Variants in ARB2A observed in about 807,000 individuals in gnomAD.
The protein encoded by ARB2A is cotranscriptional regulator ARB2A.
the ARB2A span, among the ~76,000 whole-genome samples, chr5:93,646,110 T>C: frequency 1.3e-5 from 2 of 152,278 alleles, no homozygotes; most frequent in Middle Eastern, 3.4e-3. Flanking sequence ...AGATATATCA[T>C]TTTGTAGTAT....
chr5:93,858,194 G>C, the ARB2A span, among the ~76,000 whole-genome samples: 1 of 152,200 alleles, frequency 6.6e-6, no homozygotes, highest in Non-Finnish European at 1.5e-5. Context: ...TTGTGTACCA[G>C]GGAAGCTCAT....
chr5:93,628,345 A>G, the ARB2A span, among the ~76,000 whole-genome samples: 2 of 152,144 alleles, frequency 1.3e-5, no homozygotes, highest in African/African-American at 4.8e-5. Flanking sequence ...CACAGTGCCC[A>G]GCCGATGCAG....
chr5:94,013,772 C>T, the ARB2A span, among the ~76,000 whole-genome samples: 3 of 152,024 alleles, frequency 2.0e-5, no homozygotes, highest in Non-Finnish European at 4.4e-5. Flanking sequence ...AAAACAAAAA[C>T]AAATACACAG....
the ARB2A span, among the ~76,000 whole-genome samples, chr5:93,697,950 G>C: frequency 6.6e-6 from 1 of 151,892 alleles, no homozygotes. Context: ...TCTAACACTA[G>C]AATCTTACAT....
At chr5:94,097,449 G>A in the ARB2A span, among the ~76,000 whole-genome samples, 1 of 152,150 alleles carries the variant, frequency 6.6e-6, no homozygotes, top group African/African-American at 2.4e-5. Context: ...TTGTGGAAGG[G>A]ACCCAGTGGG....
chr5:93,647,439 G>A, the ARB2A span, among the ~76,000 whole-genome samples: 1 of 152,156 alleles, frequency 6.6e-6, no homozygotes, highest in Non-Finnish European at 1.5e-5. Flanking sequence ...TGTTGACCAG[G>A]CTGGTCTCAA....
the ARB2A span, among the ~76,000 whole-genome samples, chr5:93,664,857 C>T: frequency 1.3e-5 from 2 of 151,926 alleles, no homozygotes; most frequent in Non-Finnish European, 2.9e-5. Context: ...GCCACAGTCT[C>T]GCTCTGTCAC....
At chr5:93,761,481 A>G in the ARB2A span, among the ~76,000 whole-genome samples, 1 of 152,184 alleles carries the variant, frequency 6.6e-6, no homozygotes, top group African/African-American at 2.4e-5. Context: ...TCTGAGATCA[A>G]ACTGCAAGGC....
At chr5:93,664,630 C>T in the ARB2A span, among the ~76,000 whole-genome samples, 1 of 142,068 alleles carries the variant, frequency 7.0e-6, no homozygotes, top group Non-Finnish European at 1.5e-5. Context: ...GACTTCGTCT[C>T]AAAAATATAT....
the ARB2A span, chr5:93,737,026 G>C: frequency 2.6e-5 from 4 of 152,160 alleles, no homozygotes; most frequent in Non-Finnish European, 1.5e-5. Flanking sequence ...ATTCACAGAT[G>C]ATATGATTTA....
the ARB2A span, chr5:93,737,663 G>A: frequency 1.4e-5 from 3 of 220,128 alleles, no homozygotes; most frequent in South Asian, 1.6e-4. Flanking sequence ...GAAGAGAGTT[G>A]AGAGCCCAGA....
At chr5:94,023,616 T>A in the ARB2A span, among the ~76,000 whole-genome samples, 2 of 152,218 alleles carry the variant, frequency 1.3e-5, no homozygotes, top group Non-Finnish European at 2.9e-5. Context: ...GTTCATTCAC[T>A]ACAATGATGA....
chr5:93,640,476 C>A, the ARB2A span, among the ~76,000 whole-genome samples: 1 of 151,724 alleles, frequency 6.6e-6, no homozygotes, highest in East Asian at 1.9e-4. Flanking sequence ...CAATCTTAAT[C>A]CTTACCTTAT....
the ARB2A span, among the ~76,000 whole-genome samples, chr5:93,858,291 G>A: frequency 1.1e-4 from 16 of 152,344 alleles, no homozygotes; most frequent in South Asian, 3.3e-3. Context: ...CAGACTTCCA[G>A]AAGGAAAGCA....
At chr5:94,044,763 GCCAAAACCCA>G in the ARB2A span, among the ~76,000 whole-genome samples, 24 of 151,970 alleles carry the variant, frequency 1.6e-4, no homozygotes, top group East Asian at 3.1e-3. Context: ...AAAGAAGTTG[GCCAAAACCCA>G]CCAAAACCAG....
the ARB2A span, among the ~76,000 whole-genome samples, chr5:94,096,319 A>C: frequency 1.3e-5 from 2 of 152,230 alleles, no homozygotes; most frequent in Non-Finnish European, 2.9e-5. Context: ...TATGCTTTGT[A>C]GAGGAAAGGG....
the ARB2A span, among the ~76,000 whole-genome samples, chr5:93,929,888 G>A: frequency 6.6e-6 from 1 of 152,156 alleles, no homozygotes; most frequent in African/African-American, 2.4e-5. Flanking sequence ...AGACTAGCAA[G>A]TATTGCAAGT....
At chr5:93,878,214 T>C in the ARB2A span, among the ~76,000 whole-genome samples, 1 of 152,116 alleles carries the variant, frequency 6.6e-6, no homozygotes, top group African/African-American at 2.4e-5. Context: ...ATGCAGGACA[T>C]ATTTTAAAAA....
the ARB2A span, among the ~76,000 whole-genome samples, chr5:93,743,851 A>G: frequency 6.6e-6 from 1 of 151,940 alleles, no homozygotes; most frequent in Non-Finnish European, 1.5e-5. Flanking sequence ...TATTTTTAGT[A>G]GAGACTGGGT....
Sources: allele counts gnomAD v4.1 joint callset (sites outside exome capture counted in the v4.1 genomes callset), GRCh38; gene constraint gnomAD v4.1.1; transcripts MANE v1.5; gene names NCBI Gene and HGNC (gene_info 2026-07-23, HGNC 2026-07-21).